The following WWOX variants were observed in gnomAD, a reference collection of about 807,000 sequenced individuals.
WWOX encodes WW domain-containing oxidoreductase.
In WWOX, 69 loss-of-function variants were observed where a neutral mutation model predicts 46.2. The ratio of observed to expected loss-of-function variants is 1.49; its 90% CI spans 1.23 to 1.82. WWOX has a LOEUF of 1.82. WWOX is among the 40% of genes most tolerant of loss of function. WWOX has a pLI of 0.00. For missense variants in WWOX, 919 were observed against 542.6 expected (o/e 1.69, Z -6.89); for synonymous variants, 359 against 202.6 (o/e 1.77, Z -6.56).
intron 8 of WWOX, among the ~76,000 whole-genome samples, chr16:78,948,584 C>T (rs2045994841): frequency 6.6e-6 from 1 of 152,036 alleles, no homozygotes; most frequent in Non-Finnish European, 1.5e-5. Context: ...GCCTCCTCAT[C>T]CCTCTGGATG....
chr16:78,937,693 C>T (rs768828704), intron 8 of WWOX, among the ~76,000 whole-genome samples: 5 of 151,682 alleles, frequency 3.3e-5, no homozygotes, highest in Non-Finnish European at 7.4e-5. Flanking sequence ...GGCATGACCT[C>T]GGCTTACTGC....
At chr16:78,244,560 G>A (rs76209511) in intron 5 of WWOX, among the ~76,000 whole-genome samples, 5 of 152,192 alleles carry the variant, frequency 3.3e-5, no homozygotes, top group East Asian at 1.9e-4. Flanking sequence ...GTTGGCCTGC[G>A]TTGGTAAATT....
Position 78,301,010 on chromosome 16 carries a change from A to G in WWOX, c.517-85850A>G, listed in dbSNP as rs1223285147. ...CATCTACCCACCCATCCATCCATCC[A>G]TCCATCCATGCATCCATCCATCCAT... is the stretch of plus-strand genomic sequence containing the variant. On this transcript the variant is annotated intron_variant, in intron 5 of 8. Transcript: ENST00000566780. Among the ~76,000 whole-genome samples, 92 of 151,950 alleles carry G rather than the reference A, an allele frequency of 6.1e-4. 1 individual carries two copies. The highest frequency in any genetic ancestry group is 1.5e-5 in the Non-Finnish European group (1 of 67,968).
At chr16:78,904,318 A>G (rs1350001482) in intron 8 of WWOX, among the ~76,000 whole-genome samples, 1 of 146,966 alleles carries the variant, frequency 6.8e-6, no homozygotes, top group Non-Finnish European at 1.5e-5. Context: ...GGCTCACTGC[A>G]ACCTCTGCCT....
intron 5 of WWOX, among the ~76,000 whole-genome samples, chr16:78,182,592 C>T (rs145985202): frequency 2.0e-5 from 3 of 151,980 alleles, no homozygotes; most frequent in Non-Finnish European, 2.9e-5. Context: ...TTCAGCACAT[C>T]GCTGTCAACC....
At chr16:78,395,476 C>T (rs762938854) in intron 6 of WWOX, among the ~76,000 whole-genome samples, 3 of 152,076 alleles carry the variant, frequency 2.0e-5, no homozygotes, top group Non-Finnish European at 4.4e-5. Context: ...CATGCTACTG[C>T]ACTCCAGCCT....
At chr16:78,334,198 A>G (rs959101933) in intron 5 of WWOX, among the ~76,000 whole-genome samples, 3 of 152,236 alleles carry the variant, frequency 2.0e-5, no homozygotes, top group African/African-American at 7.2e-5. Context: ...AAAAATTAAG[A>G]CAAATGATAC....
chr16:79,117,152 C>T (rs1157891016), intron 8 of WWOX, among the ~76,000 whole-genome samples: 2 of 152,124 alleles, frequency 1.3e-5, no homozygotes, highest in Non-Finnish European at 2.9e-5. Context: ...GCTGGGACTA[C>T]AGGCACATGC....
chr16:79,037,250 G>C (rs2151404640), intron 8 of WWOX, among the ~76,000 whole-genome samples: 1 of 152,304 alleles, frequency 6.6e-6, no homozygotes, highest in East Asian at 1.9e-4. Context: ...TCTCGCTCCT[G>C]CTCCTGACTC....
intron 8 of WWOX, among the ~76,000 whole-genome samples, chr16:78,774,135 A>G (rs2050130158): frequency 6.6e-6 from 1 of 152,052 alleles, no homozygotes; most frequent in African/African-American, 2.4e-5. Context: ...GGGTGCAGTG[A>G]CTCATCCCTG....
intron 8 of WWOX, among the ~76,000 whole-genome samples, chr16:78,505,838 G>C (rs1023334014): frequency 2.0e-5 from 3 of 151,510 alleles, no homozygotes; most frequent in African/African-American, 7.3e-5. Flanking sequence ...ATTCTGTAGA[G>C]AGAGTGGGTG....
Position 78,161,820 on chromosome 16 carries a change from T to C in WWOX, c.410-2363T>C, listed in dbSNP as rs139712357. Among the ~76,000 whole-genome samples, 3 of 152,302 alleles carry C rather than the reference T, an allele frequency of 2.0e-5. No individual in the cohort carries two copies. In the East Asian group the frequency reaches 5.8e-4, roughly 29 times the overall value. On this transcript the variant is annotated intron_variant, in intron 4 of 8. Transcript: ENST00000566780. ...TTTGTAGAGATTTACATCTTGCATC[T>C]TTGACTTATTAAAATCTAATATAAA... is the stretch of plus-strand genomic sequence containing the variant.
intron 8 of WWOX, among the ~76,000 whole-genome samples, chr16:79,130,159 G>C (rs891902320): frequency 6.6e-6 from 1 of 152,184 alleles, no homozygotes; most frequent in Non-Finnish European, 1.5e-5. Flanking sequence ...ACAGTCACAG[G>C]CTGGTGGAGT....
intron 8 of WWOX, among the ~76,000 whole-genome samples, chr16:78,623,730 G>A (rs1314053819): frequency 6.6e-5 from 4 of 60,508 alleles, no homozygotes; most frequent in Non-Finnish European, 1.4e-4. Flanking sequence ...GTCAGACTCT[G>A]TCTCAAAAAA....
chr16:78,102,930 C>T (rs1597196882), intron 1 of WWOX, among the ~76,000 whole-genome samples: 1 of 152,176 alleles, frequency 6.6e-6, no homozygotes, highest in Admixed American at 6.5e-5. Context: ...ATGCACATGA[C>T]CCGCTTCCGG....
At chr16:78,816,555 C>G (rs1356473937) in intron 8 of WWOX, among the ~76,000 whole-genome samples, 1 of 66,402 alleles carries the variant, frequency 1.5e-5, no homozygotes, top group African/African-American at 5.9e-5. Context: ...GGAAATGTTT[C>G]TTCCACAAAA....
At position 78,949,788 on chromosome 16, in the gene WWOX, C is replaced by T. The variant is rs545351908; in HGVS notation, c.1057-261820C>T. Among the ~76,000 whole-genome samples, 7 of 152,322 alleles carry T rather than the reference C, an allele frequency of 4.6e-5. 1 individual carries two copies. The highest frequency in any genetic ancestry group is 7.2e-5 in the African/African-American group (3 of 41,580). On this transcript the variant is annotated intron_variant, in intron 8 of 8. Coordinates refer to ENST00000566780, the MANE Select transcript of WWOX (RefSeq NM_016373.4). ...TCTTGAAGGATTGAACGCCTCAATG[C>T]GTGCATCCTACATTGTCTAGTGGGA...
chr16:78,732,750 G>T (rs1275887833), intron 8 of WWOX, among the ~76,000 whole-genome samples: 1 of 152,066 alleles, frequency 6.6e-6, no homozygotes, highest in South Asian at 2.1e-4. Context: ...AAGTAAATAA[G>T]GGGAAATTGC....
intron 8 of WWOX, among the ~76,000 whole-genome samples, chr16:79,135,753 A>C (rs532648938): frequency 2.0e-5 from 3 of 152,292 alleles, no homozygotes; most frequent in Non-Finnish European, 4.4e-5. Context: ...TAATATAGCT[A>C]TCAGTCGTGT....
Sources: gnomAD v4.1 joint callset for allele counts (sites outside exome capture counted in the v4.1 genomes callset) on GRCh38, gnomAD v4.1.1 for gene constraint, MANE v1.5 for transcripts, NCBI Gene and HGNC (gene_info 2026-07-23, HGNC 2026-07-21) for gene names.